Variants in GALNT13 observed in about 807,000 individuals in gnomAD.
GALNT13 encodes UDP-GalNAc:polypeptide N-acetylgalactosaminyltransferase 13.
A neutral mutation model predicts 64.2 loss-of-function variants in GALNT13; 28 were observed. The ratio of observed to expected loss-of-function variants is 0.44; its 90% CI spans 0.32 to 0.60. The LOEUF (loss-of-function observed/expected upper bound fraction) is 0.60. Ranked by LOEUF, GALNT13 falls within the 20% of genes least tolerant of loss-of-function variation. GALNT13 has a pLI of 0.05. For missense variants in GALNT13, 577 were observed against 669.8 expected (o/e 0.86, Z 1.53); for synonymous variants, 214 against 224.6 (o/e 0.95, Z 0.42).
chr2:153,834,048 G>GT, the GALNT13 span, among the ~76,000 whole-genome samples: 1 of 152,004 alleles, frequency 6.6e-6, no homozygotes, highest in Non-Finnish European at 1.5e-5. Flanking sequence ...ACTCAATTTT[G>GT]TTTTTATCAT....
chr2:154,122,228 G>A (rs1237312291), intron 3 of GALNT13, among the ~76,000 whole-genome samples: 2 of 151,508 alleles, frequency 1.3e-5, no homozygotes, highest in African/African-American at 4.8e-5. Flanking sequence ...TTTTTGTGAT[G>A]GATAGATTGA....
chr2:153,763,454 C>A, the GALNT13 span, among the ~76,000 whole-genome samples: 1 of 152,044 alleles, frequency 6.6e-6, no homozygotes, highest in Non-Finnish European at 1.5e-5. Flanking sequence ...ACTGTTGTCA[C>A]GATAGTGAAT....
At chr2:153,606,781 G>C in the GALNT13 span, among the ~76,000 whole-genome samples, 73,533 of 151,292 alleles carry the variant, frequency 0.49, 19,154 homozygotes, top group African/African-American at 0.68. Context: ...GCTTGCCTCC[G>C]TTGTCTCTCC....
At chr2:153,260,382 G>A in the GALNT13 span, among the ~76,000 whole-genome samples, 1 of 152,128 alleles carries the variant, frequency 6.6e-6, no homozygotes, top group Admixed American at 6.5e-5. Context: ...TGTAGGACAG[G>A]TCCAGTGTTG....
chr2:153,558,769 A>G, the GALNT13 span, among the ~76,000 whole-genome samples: 1 of 152,218 alleles, frequency 6.6e-6, no homozygotes, highest in Admixed American at 6.5e-5. Context: ...AAAGTGTTCA[A>G]ATTATGTGCT....
the GALNT13 span, among the ~76,000 whole-genome samples, chr2:153,430,527 GGAGAGAGAGAGA>G: frequency 1.4e-5 from 2 of 140,912 alleles, no homozygotes; most frequent in Non-Finnish European, 3.1e-5. Context: ...AGGTAGGTAG[GGAGAGAGAGAGA>G]GAGAGAGAGA....
At chr2:153,896,088 TGTTTTTTCCTAA>T in intron 1 of GALNT13, among the ~76,000 whole-genome samples, 1 of 146,368 alleles carries the variant, frequency 6.8e-6, no homozygotes, top group Non-Finnish European at 1.5e-5. Context: ...TATATTTTTA[TGTTTTTTCCTAA>T]ATTAAAAAAA....
At chr2:153,934,496 A>G (rs951589926) in intron 2 of GALNT13, among the ~76,000 whole-genome samples, 1 of 152,222 alleles carries the variant, frequency 6.6e-6, no homozygotes, top group African/African-American at 2.4e-5. Context: ...GGACTTCTGT[A>G]TTAGAGCAAA....
the GALNT13 span, among the ~76,000 whole-genome samples, chr2:153,382,258 C>T: frequency 0.015 from 2,206 of 152,050 alleles, 68 homozygotes; most frequent in African/African-American, 0.05. Context: ...TGCAGGTTTG[C>T]TACATGGGTA....
chr2:153,940,975 A>C (rs1319963207), intron 2 of GALNT13, among the ~76,000 whole-genome samples: 2 of 152,190 alleles, frequency 1.3e-5, no homozygotes, highest in African/African-American at 2.4e-5. Context: ...AACCAAAGCA[A>C]AAACAAAAGC....
chr2:153,469,178 G>C, the GALNT13 span, among the ~76,000 whole-genome samples: 9 of 152,094 alleles, frequency 5.9e-5, 1 homozygote, highest in Admixed American at 5.9e-4. Context: ...GTACAAGTGT[G>C]CCTTAGAGGC....
intron 3 of GALNT13, among the ~76,000 whole-genome samples, chr2:153,952,973 C>T (rs1219678997): frequency 1.3e-5 from 2 of 152,132 alleles, no homozygotes; most frequent in Non-Finnish European, 2.9e-5. Flanking sequence ...GTTCCTCTGC[C>T]TGCTTTTATC....
the GALNT13 span, among the ~76,000 whole-genome samples, chr2:153,126,989 C>T: frequency 0.17 from 25,112 of 151,898 alleles, 2,206 homozygotes; most frequent in Middle Eastern, 0.22. Context: ...AGTGCTAAGG[C>T]GGCTGAGAGA....
intron 4 of GALNT13, among the ~76,000 whole-genome samples, chr2:154,168,561 G>A (rs969183927): frequency 2.6e-5 from 4 of 151,718 alleles, no homozygotes; most frequent in African/African-American, 7.3e-5. Context: ...TTGGCCGGGT[G>A]TAGTGGCTCA....
At chr2:153,373,714 A>G in the GALNT13 span, among the ~76,000 whole-genome samples, 1 of 152,202 alleles carries the variant, frequency 6.6e-6, no homozygotes, top group Non-Finnish European at 1.5e-5. Flanking sequence ...ATGAAACTGC[A>G]TAACCATTAA....
At chr2:154,303,793 C>G (rs1027929692) in intron 9 of GALNT13, among the ~76,000 whole-genome samples, 3 of 151,032 alleles carry the variant, frequency 2.0e-5, no homozygotes, top group African/African-American at 4.9e-5. Flanking sequence ...GAGTCTAACT[C>G]TGTTGCCCAG....
At chr2:153,826,596 A>C in the GALNT13 span, among the ~76,000 whole-genome samples, 1 of 152,318 alleles carries the variant, frequency 6.6e-6, no homozygotes, top group South Asian at 2.1e-4. Flanking sequence ...GCTTCTGGAG[A>C]AACCCAAAGA....
chr2:153,843,962 C>T, the GALNT13 span, among the ~76,000 whole-genome samples: 1 of 152,210 alleles, frequency 6.6e-6, no homozygotes, highest in Admixed American at 6.5e-5. Flanking sequence ...TTTGCAGGGG[C>T]ACCCTGTAAC....
At chr2:153,151,360 G>A in the GALNT13 span, among the ~76,000 whole-genome samples, 2 of 152,100 alleles carry the variant, frequency 1.3e-5, no homozygotes, top group Non-Finnish European at 2.9e-5. Context: ...GGAGAAATAG[G>A]AACACTTTTA....
Sources: allele counts gnomAD v4.1 joint callset (sites outside exome capture counted in the v4.1 genomes callset), GRCh38; gene constraint gnomAD v4.1.1; transcripts MANE v1.5; gene names NCBI Gene and HGNC (gene_info 2026-07-23, HGNC 2026-07-21).